The following OSBPL6 variants were observed in gnomAD, a reference collection of about 807,000 sequenced individuals.
OSBPL6 encodes the protein oxysterol-binding protein-related protein 6.
Under a neutral mutation model 125.8 loss-of-function variants are expected in OSBPL6, and 49 were observed. That is an observed-to-expected ratio of 0.39 (90% CI 0.31 to 0.49). The LOEUF (loss-of-function observed/expected upper bound fraction) is 0.49. Ranked by LOEUF, OSBPL6 falls within the 20% of genes least tolerant of loss-of-function variation. The probability of loss-of-function intolerance (pLI) is 0.88; values close to 1 mark genes in which losing one functional copy is unlikely to be tolerated. For synonymous variants in OSBPL6, 394 were observed against 391.8 expected, an observed-to-expected ratio of 1.01 and a Z score of -0.07; for missense variants, 986 against 1,135.4, an observed-to-expected ratio of 0.87 and a Z score of 1.89.
intron 12 of OSBPL6, among the ~76,000 whole-genome samples, chr2:178,352,451 G>C (rs1691350611): frequency 6.6e-6 from 1 of 152,202 alleles, no homozygotes; most frequent in African/African-American, 2.4e-5. Flanking sequence ...TGCCTGGCTT[G>C]GTGGGTCCTA....
chr2:178,249,640 T>C lies in OSBPL6; in HGVS notation c.-350-35287T>C, dbSNP rs558643339. 8.2e-4 allele frequency among the ~76,000 whole-genome samples: 125 copies of C among 152,310 alleles called. 1 individual carries two copies. Among genetic ancestry groups the C allele is most frequent in the African/African-American group, 3.0e-3 (123 of 41,576 alleles). ...TTTCATCTTTGCTTTGCGTTTAAGGTACTCTCTATGTAGGCTCATTTCTTG... is the reference window on the plus strand; with the variant it reads ...TTTCATCTTTGCTTTGCGTTTAAGGCACTCTCTATGTAGGCTCATTTCTTG... On this transcript the variant is annotated intron_variant, in intron 1 of 24. Transcript: ENST00000190611.
intron 1 of OSBPL6, among the ~76,000 whole-genome samples, chr2:178,281,985 G>C (rs573767304): frequency 1.3e-5 from 2 of 152,248 alleles, no homozygotes; most frequent in East Asian, 3.9e-4. Context: ...ACAGAATTAA[G>C]GTCCGGTCCC....
intron 1 of OSBPL6, among the ~76,000 whole-genome samples, chr2:178,236,500 C>A (rs1036689803): frequency 6.6e-6 from 1 of 152,136 alleles, no homozygotes; most frequent in Non-Finnish European, 1.5e-5. Flanking sequence ...GGCCTGCTAC[C>A]CCTGGTGACA....
At chr2:178,202,992 G>T (rs1042493111) in intron 1 of OSBPL6, among the ~76,000 whole-genome samples, 3 of 152,052 alleles carry the variant, frequency 2.0e-5, no homozygotes, top group African/African-American at 7.2e-5. Flanking sequence ...ACAAGTTTCT[G>T]CTATTATTTC....
At chr2:178,354,789 T>A (rs1381045493) in intron 12 of OSBPL6, among the ~76,000 whole-genome samples, 1 of 152,218 alleles carries the variant, frequency 6.6e-6, no homozygotes, top group African/African-American at 2.4e-5. Flanking sequence ...TATATATTCT[T>A]CTCAGCACCA....
chr2:178,305,670 G>A (rs907533195), intron 2 of OSBPL6, among the ~76,000 whole-genome samples: 4 of 152,272 alleles, frequency 2.6e-5, no homozygotes, highest in East Asian at 1.9e-4. Flanking sequence ...AACATGGACC[G>A]AGCTCTTATT....
intron 1 of OSBPL6, among the ~76,000 whole-genome samples, chr2:178,224,333 G>C (rs1311224301): frequency 6.6e-6 from 1 of 152,070 alleles, no homozygotes; most frequent in Admixed American, 6.5e-5. Flanking sequence ...CAAGAATGCA[G>C]ATTGAAAAGT....
At chr2:178,196,432 A>G (rs1442367970) in intron 1 of OSBPL6, among the ~76,000 whole-genome samples, 1 of 152,192 alleles carries the variant, frequency 6.6e-6, no homozygotes, top group East Asian at 1.9e-4. Flanking sequence ...GCCATTATAC[A>G]TTCAGTGGAT....
At chr2:178,219,367 G>A (rs930932966) in intron 1 of OSBPL6, among the ~76,000 whole-genome samples, 3 of 152,170 alleles carry the variant, frequency 2.0e-5, no homozygotes, top group African/African-American at 7.2e-5. Flanking sequence ...ATAGTAGGTG[G>A]CAAAGCCAAG....
intron 1 of OSBPL6, among the ~76,000 whole-genome samples, chr2:178,211,258 A>G (rs2089845389): frequency 6.6e-6 from 1 of 152,226 alleles, no homozygotes; most frequent in South Asian, 2.1e-4. Context: ...CTACAGAGTG[A>G]GATCCTATCT....
intron 1 of OSBPL6, among the ~76,000 whole-genome samples, chr2:178,281,993 C>T (rs912672260): frequency 6.6e-6 from 1 of 152,160 alleles, no homozygotes; most frequent in Admixed American, 6.6e-5. Flanking sequence ...AAGGTCCGGT[C>T]CCTGCTTCCC....
chr2:178,195,267 C>T (rs2088811381), intron 1 of OSBPL6, among the ~76,000 whole-genome samples: 1 of 152,218 alleles, frequency 6.6e-6, no homozygotes, highest in African/African-American at 2.4e-5. Context: ...CCGCTGCTGG[C>T]GCCCCTGCAG....
intron 3 of OSBPL6, among the ~76,000 whole-genome samples, chr2:178,310,855 T>G (rs1218819016): frequency 6.6e-6 from 1 of 152,210 alleles, no homozygotes. Flanking sequence ...ACCTTCAGGA[T>G]ATACCTGGAA....
intron 1 of OSBPL6, among the ~76,000 whole-genome samples, chr2:178,195,692 G>A (rs1216537803): frequency 6.6e-6 from 1 of 152,174 alleles, no homozygotes; most frequent in Non-Finnish European, 1.5e-5. Flanking sequence ...CCACTGGGTT[G>A]CCAGATTATT....
In OSBPL6 at chr2:178,368,728, T is replaced by A. The variant is rs77218568; in HGVS notation, c.1288-3398T>A. Among the ~76,000 whole-genome samples the A allele has an allele frequency of 4.7e-3, 711 of 152,194 alleles. 9 individuals carry two copies. The highest frequency in any genetic ancestry group is 8.0e-3 in the Non-Finnish European group (541 of 68,022). On this transcript the variant is annotated intron_variant, in intron 13 of 24. Coordinates refer to ENST00000190611, the MANE Select transcript of OSBPL6 (RefSeq NM_032523.4). ...ATAGTTTTGAAGTTTGAAAAAAATT[T>A]ACATTAAAAAATTAAATGTAAAAAA...
chr2:178,298,035 A>G (rs926074488), intron 2 of OSBPL6, among the ~76,000 whole-genome samples: 2 of 152,142 alleles, frequency 1.3e-5, no homozygotes, highest in Non-Finnish European at 2.9e-5. Context: ...CTCCTTACAG[A>G]CCCTGATAAC....
At chr2:178,377,369 A>T (rs1339161457) in intron 15 of OSBPL6, among the ~76,000 whole-genome samples, 1 of 152,224 alleles carries the variant, frequency 6.6e-6, no homozygotes, top group Non-Finnish European at 1.5e-5. Flanking sequence ...ACCAAAGGGG[A>T]TGGTGCTAAA....
intron 1 of OSBPL6, among the ~76,000 whole-genome samples, chr2:178,276,371 G>GGT (rs1264993648): frequency 8.1e-6 from 1 of 122,758 alleles, no homozygotes; most frequent in African/African-American, 3.2e-5. Context: ...ATTCTAAATG[G>GGT]TTTTTTTTTT....
intron 2 of OSBPL6, among the ~76,000 whole-genome samples, chr2:178,290,182 T>TAAAA (rs1291028817): frequency 1.3e-5 from 2 of 152,226 alleles, no homozygotes; most frequent in African/African-American, 4.8e-5. Flanking sequence ...TGTCATTCTT[T>TAAAA]TATAAAGAAC....
Sources: gnomAD v4.1 joint callset for allele counts (sites outside exome capture counted in the v4.1 genomes callset) on GRCh38, gnomAD v4.1.1 for gene constraint, MANE v1.5 for transcripts, NCBI Gene and HGNC (gene_info 2026-07-23, HGNC 2026-07-21) for gene names.